Variants in STRN observed in about 807,000 individuals in gnomAD.
The protein encoded by STRN is striatin.
Under a neutral mutation model 96.3 loss-of-function variants are expected in STRN, and 53 were observed. The ratio of observed to expected loss-of-function variants is 0.55; its 90% CI spans 0.44 to 0.69. The LOEUF (loss-of-function observed/expected upper bound fraction) is 0.69. STRN is among the 30% of genes least tolerant of loss of function. The pLI is 0.00. For synonymous variants in STRN, 428 were observed against 355.9 expected (o/e 1.20, Z -2.28); for missense variants, 987 against 963.9 (o/e 1.02, Z -0.32).
intron 1 of STRN, among the ~76,000 whole-genome samples, chr2:36,943,272 G>A (rs1055386174): frequency 6.6e-6 from 1 of 151,914 alleles, no homozygotes; most frequent in Non-Finnish European, 1.5e-5. Flanking sequence ...GAGGTAATCA[G>A]TGTGAACAAC....
At chr2:36,879,906 G>A (rs1266793249) in intron 9 of STRN, among the ~76,000 whole-genome samples, 1 of 151,946 alleles carries the variant, frequency 6.6e-6, no homozygotes, top group Non-Finnish European at 1.5e-5. Context: ...AAGGTGAGAG[G>A]ACCCTTTGGG....
At chr2:36,867,609 T>C (rs190017203) in intron 12 of STRN, 128 of 367,754 alleles carry the variant, frequency 3.5e-4, no homozygotes, top group African/African-American at 2.5e-3. Flanking sequence ...TTAAACACCA[T>C]GTAAATAAAA....
Position 36,905,558 on chromosome 2 carries a change from C to T in STRN, c.473G>A (p.Gly158Asp). 1.2e-6 allele frequency: 2 copies of T among 1,613,760 alleles called. No homozygotes were observed. Among genetic ancestry groups the T allele is most frequent in the Non-Finnish European group, 1.7e-6 (2 of 1,179,860 alleles). ...QQNSQLMWKQ[G>D]RQLLRQYLQE... Reference sequence around the variant, plus strand: ...CACTTACTGTCTGAGTAGTTGTCGACCTTGTTTCCACATTAACTGGCTGTT... The same window carrying T: ...CACTTACTGTCTGAGTAGTTGTCGATCTTGTTTCCACATTAACTGGCTGTT... Residue 158 changes from glycine to aspartate, a missense_variant, in exon 4 of 18, where the codon GGT (glycine) becomes GAT (aspartate). Coordinates refer to ENST00000263918, the MANE Select transcript of STRN (RefSeq NM_003162.4).
rs996685410 is a variant in STRN at position 36,899,806 on chromosome 2, C to G, written c.660-148G>C. 5.1e-6 allele frequency: 4 copies of G among 779,142 alleles called. No individual in the cohort carries two copies. The East Asian group carries it at 1.1e-4, about 22-fold the overall frequency. 48.3% of individuals were successfully genotyped at this position (779,142 alleles called of 1,614,324 possible). On this transcript the variant is annotated intron_variant, in intron 5 of 17. Coordinates refer to ENST00000263918, the MANE Select transcript of STRN (RefSeq NM_003162.4). ...TACATTGATTCTTATCAATTACACT[C>G]TCACAAATTTAAAAAGCAATACAAG...
At chr2:36,885,780 A>T (rs1373372156) in intron 8 of STRN, among the ~76,000 whole-genome samples, 2 of 152,158 alleles carry the variant, frequency 1.3e-5, no homozygotes, top group Non-Finnish European at 2.9e-5. Context: ...ATACCTTTCC[A>T]GTCTTTCGCA....
intron 1 of STRN, among the ~76,000 whole-genome samples, chr2:36,963,073 G>C (rs887142868): frequency 1.3e-5 from 2 of 152,100 alleles, no homozygotes; most frequent in Non-Finnish European, 1.5e-5. Context: ...GTGAGGAGGG[G>C]AGCATTACCA....
chr2:36,906,356 G>T (rs1050702505), intron 3 of STRN, among the ~76,000 whole-genome samples: 6 of 152,042 alleles, frequency 3.9e-5, no homozygotes, highest in Admixed American at 1.3e-4. Context: ...CTACTAGGGA[G>T]GCTTAGGTGG....
intron 15 of STRN, among the ~76,000 whole-genome samples, chr2:36,852,570 C>G (rs866666529): frequency 3.9e-5 from 6 of 152,084 alleles, no homozygotes; most frequent in Non-Finnish European, 8.8e-5. Flanking sequence ...AGTGAAAAAG[C>G]AAATGTGACA....
In STRN at chr2:36,848,316, A is replaced by C. The variant is rs1668131542; in HGVS notation, c.*1140T>G. 6.6e-6 allele frequency: 1 copy of C among 152,246 alleles called. No homozygotes were observed. Among genetic ancestry groups the C allele is most frequent in the South Asian group, 2.1e-4 (1 of 4,836 alleles). 9.4% of individuals were successfully genotyped at this position (152,246 alleles called of 1,614,324 possible). A position where few individuals can be genotyped will look rare whatever the true frequency, so the allele number is the denominator to read the frequency against. The stretch of plus-strand genomic sequence containing the variant: ...TTTCCAGGAGATTCTTACAGGGATT[A>C]ATAGAGGACTTCTAGGGTACAAAAT... On this transcript the variant is annotated 3_prime_UTR_variant, in exon 18 of 18. Transcript: ENST00000263918.
intron 10 of STRN, among the ~76,000 whole-genome samples, chr2:36,876,667 A>G (rs1167926559): frequency 4.6e-5 from 7 of 152,224 alleles, no homozygotes; most frequent in Non-Finnish European, 7.3e-5. Flanking sequence ...ATTTAATGAA[A>G]TAAGGCAGGT....
intron 12 of STRN, among the ~76,000 whole-genome samples, chr2:36,862,424 C>T (rs1423984915): frequency 6.6e-6 from 1 of 152,176 alleles, no homozygotes; most frequent in African/African-American, 2.4e-5. Flanking sequence ...TATCTTTTGA[C>T]CTTTTAATAA....
At chr2:36,933,395 C>A (rs1211269778) in intron 1 of STRN, among the ~76,000 whole-genome samples, 1 of 152,096 alleles carries the variant, frequency 6.6e-6, no homozygotes, top group Non-Finnish European at 1.5e-5. Flanking sequence ...CAAAGGATAA[C>A]TGTATATGTA....
In STRN at chr2:36,884,019, G is replaced by T; in HGVS notation, c.1099C>A (p.Leu367Ile). ...MLANLRDVDE[L>I]PSLQPSVGSP... Reference sequence around the variant, plus strand: ...CCCACAGATGGCTGCAATGAAGGAAGTTCATCAACATCTCTCAAATTAGCA... The same window carrying T: ...CCCACAGATGGCTGCAATGAAGGAATTTCATCAACATCTCTCAAATTAGCA... The change falls in exon 9 of 18, where the codon CTT becomes ATT. Residue 367 changes from leucine to isoleucine, a missense_variant. Physicochemically the swap from Leu to Ile is conservative, Grantham distance 5 (BLOSUM62 2). Transcript: ENST00000263918. The T allele has an allele frequency of 1.4e-6, 2 of 1,424,746 alleles. No homozygotes were observed. The highest frequency in any genetic ancestry group is 1.8e-5 in the South Asian group (1 of 56,022). 88.3% of individuals were successfully genotyped at this position (1,424,746 alleles called of 1,614,324 possible).
chr2:36,916,862 G>A (rs2148219735), intron 2 of STRN, among the ~76,000 whole-genome samples: 1 of 152,082 alleles, frequency 6.6e-6, no homozygotes, highest in East Asian at 1.9e-4. Context: ...ATTTAACCAT[G>A]AGACTAGAAA....
chr2:36,862,668 C>G (rs924852432), intron 12 of STRN, among the ~76,000 whole-genome samples: 1 of 151,594 alleles, frequency 6.6e-6, no homozygotes, highest in Non-Finnish European at 1.5e-5. Context: ...GTCTGTTGGC[C>G]GCATGTATGT....
intron 12 of STRN, among the ~76,000 whole-genome samples, chr2:36,866,591 T>A (rs996236272): frequency 2.0e-5 from 3 of 152,184 alleles, no homozygotes; most frequent in African/African-American, 7.2e-5. Flanking sequence ...CCCGAATATT[T>A]TAGTTTTCTG....
rs557981783 is a variant in STRN, at chr2:36,856,080, T to C, written c.1838-728A>G. Reference sequence around the variant, plus strand: ...AAACAAAAGAAATGCTCATCAAAATTAGCCATCAAAGAAATGCAAATAAAC... The same window carrying C: ...AAACAAAAGAAATGCTCATCAAAATCAGCCATCAAAGAAATGCAAATAAAC... On this transcript the variant is annotated intron_variant, in intron 14 of 17. Coordinates refer to ENST00000263918, the MANE Select transcript of STRN (RefSeq NM_003162.4). 2.0e-5 allele frequency among the ~76,000 whole-genome samples: 3 copies of C among 152,222 alleles called. No individual in the cohort carries two copies. The East Asian group carries it at 5.8e-4, about 29-fold the overall frequency.
At chr2:36,895,252 G>C (rs552087654) in intron 6 of STRN, among the ~76,000 whole-genome samples, 1 of 151,784 alleles carries the variant, frequency 6.6e-6, no homozygotes, top group African/African-American at 2.4e-5. Context: ...GCGTGAACCT[G>C]GGAGGCAGAG....
At chr2:36,920,345 G>C (rs1273956730) in intron 2 of STRN, among the ~76,000 whole-genome samples, 2 of 152,018 alleles carry the variant, frequency 1.3e-5, no homozygotes, top group Non-Finnish European at 2.9e-5. Flanking sequence ...TACTTCAAAA[G>C]AAACAAAACC....
Sources: gnomAD v4.1 joint callset for allele counts (sites outside exome capture counted in the v4.1 genomes callset) on GRCh38, gnomAD v4.1.1 for gene constraint, MANE v1.5 for transcripts, NCBI Gene and HGNC (gene_info 2026-07-23, HGNC 2026-07-21) for gene names.